The following STPG2 variants were observed in gnomAD, a reference collection of about 807,000 sequenced individuals.
STPG2 encodes sperm tail PG-rich repeat containing 2.
Under a neutral mutation model 54.2 loss-of-function variants are expected in STPG2, and 56 were observed. That is an observed-to-expected ratio of 1.03 (90% CI 0.83 to 1.29). STPG2 has a LOEUF of 1.29. Among genes scored for constraint, STPG2 ranks in the 50% most tolerant of loss-of-function variants. The pLI is 0.00. For synonymous variants in STPG2, 200 were observed against 181.8 expected (o/e 1.10, Z -0.81); for missense variants, 596 against 544.9 (o/e 1.09, Z -0.93).
chr4:97,770,536 T>C (rs897679025), intron 9 of STPG2, among the ~76,000 whole-genome samples: 1 of 152,172 alleles, frequency 6.6e-6, no homozygotes, highest in Non-Finnish European at 1.5e-5. Context: ...TAAACAAGAT[T>C]GCATGCTATT....
intron 5 of STPG2, among the ~76,000 whole-genome samples, chr4:98,042,916 A>C (rs2149308338): frequency 6.6e-6 from 1 of 152,032 alleles, no homozygotes; most frequent in East Asian, 1.9e-4. Context: ...CACTATTATC[A>C]AATTGTAAGA....
At chr4:97,811,415 T>C (rs949708765) in intron 9 of STPG2, among the ~76,000 whole-genome samples, 1 of 152,164 alleles carries the variant, frequency 6.6e-6, no homozygotes, top group Non-Finnish European at 1.5e-5. Context: ...GAAGCAAACA[T>C]TTTTATTTTT....
At chr4:97,686,227 CCTTTTT>C (rs1235362148) in intron 10 of STPG2, among the ~76,000 whole-genome samples, 1 of 150,396 alleles carries the variant, frequency 6.6e-6, no homozygotes, top group Non-Finnish European at 1.5e-5. Flanking sequence ...ATGCTCCTTT[CCTTTTT>C]CTTTTTCTTT....
intron 10 of STPG2, among the ~76,000 whole-genome samples, chr4:97,678,382 T>G (rs557255187): frequency 2.0e-5 from 2 of 98,460 alleles, no homozygotes; most frequent in Admixed American, 2.2e-4. Flanking sequence ...ACTATTCATA[T>G]GTAAGTACAA....
chr4:97,787,029 G>C (rs1051150254), intron 9 of STPG2, among the ~76,000 whole-genome samples: 1 of 152,056 alleles, frequency 6.6e-6, no homozygotes, highest in Non-Finnish European at 1.5e-5. Flanking sequence ...CTGGATTAGA[G>C]GAGACTACTG....
rs1348858798 is a variant in STPG2 at position 98,143,364 on chromosome 4, A to C, written c.-214T>G. 2 of 542,590 alleles carry C rather than the reference A, an allele frequency of 3.7e-6. No homozygotes were observed. The highest frequency in any genetic ancestry group is 6.6e-6 in the Non-Finnish European group (2 of 301,714). The allele number at this position is 542,590 out of a possible 1,614,324, so 33.6% of individuals were successfully genotyped here. A position where few individuals can be genotyped will look rare whatever the true frequency, so the allele number is the denominator to read the frequency against. Reference sequence around the variant, plus strand: ...TCGATTTCTAGCTCTGTGGTAAAGTAGAGGGGTGAGCGACTAGAGATTAGA... The same window carrying C: ...TCGATTTCTAGCTCTGTGGTAAAGTCGAGGGGTGAGCGACTAGAGATTAGA... On this transcript the variant is annotated 5_prime_UTR_variant, in exon 1 of 11. Coordinates refer to ENST00000295268, the MANE Select transcript of STPG2 (RefSeq NM_174952.3).
intron 5 of STPG2, among the ~76,000 whole-genome samples, chr4:97,981,664 C>G (rs1215120866): frequency 2.0e-5 from 3 of 151,416 alleles, no homozygotes; most frequent in Non-Finnish European, 4.4e-5. Context: ...ACTATATGAT[C>G]TAACACGTTA....
chr4:98,078,876 C>T (rs1033878203), intron 5 of STPG2, among the ~76,000 whole-genome samples: 5 of 151,918 alleles, frequency 3.3e-5, no homozygotes, highest in Admixed American at 6.6e-5. Flanking sequence ...AATTTAATAT[C>T]ATATGTTAAA....
At chr4:97,564,262 C>CT (rs1035520575) in intron 10 of STPG2, among the ~76,000 whole-genome samples, 3 of 152,068 alleles carry the variant, frequency 2.0e-5, no homozygotes, top group African/African-American at 7.2e-5. Context: ...CAACCCCTGC[C>CT]TTTTTTTGTT....
intron 4 of STPG2, among the ~76,000 whole-genome samples, chr4:97,508,393 A>C (rs908778991): frequency 5.9e-5 from 9 of 152,142 alleles, no homozygotes; most frequent in Non-Finnish European, 1.2e-4. Flanking sequence ...TACTACAAAA[A>C]TTATTCAAAA....
intron 9 of STPG2, among the ~76,000 whole-genome samples, chr4:97,740,040 G>A (rs1725169134): frequency 2.0e-5 from 3 of 151,982 alleles, no homozygotes; most frequent in Non-Finnish European, 2.9e-5. Context: ...TCATCCCTGG[G>A]ATGCAAGGCT....
At chr4:97,590,907 C>T (rs907822262) in intron 10 of STPG2, among the ~76,000 whole-genome samples, 2 of 151,970 alleles carry the variant, frequency 1.3e-5, no homozygotes, top group African/African-American at 2.4e-5. Flanking sequence ...TCTGGATTGA[C>T]ATTAAAATGC....
chr4:97,515,516 C>A (rs1006572936), intron 4 of STPG2, among the ~76,000 whole-genome samples: 1 of 151,914 alleles, frequency 6.6e-6, no homozygotes, highest in Non-Finnish European at 1.5e-5. Flanking sequence ...AAAAGTCAAC[C>A]ACTGTCTCCA....
At chr4:97,638,284 TAGCCATATGTAGAA>T (rs1382174038) in intron 10 of STPG2, among the ~76,000 whole-genome samples, 1 of 152,140 alleles carries the variant, frequency 6.6e-6, no homozygotes, top group African/African-American at 2.4e-5. Context: ...GAAAACTGGC[TAGCCATATGTAGAA>T]AGCTGAAACT....
intron 4 of STPG2, among the ~76,000 whole-genome samples, chr4:97,442,432 T>TTTAATTAAAG (rs1281777920): frequency 2.6e-5 from 4 of 152,100 alleles, no homozygotes; most frequent in Non-Finnish European, 4.4e-5. Context: ...AAAAATTGTT[T>TTTAATTAAAG]TTAATTAAAG....
rs1194503100 is a variant in STPG2, at chr4:97,559,077, A to G, written c.1361T>C (p.Met454Thr). 6.2e-7 allele frequency: 1 copy of G among 1,604,168 alleles called. No individual in the cohort carries two copies. The highest frequency in any genetic ancestry group is 1.7e-5 in the Admixed American group (1 of 58,040). ...EKKKGNLIGE[M>T]AADIM ...TTTATGTCACATTATATCAGCAGCC[A>G]TTTCACCAATGAGATTTCCTTTCTT... The change falls in exon 11 of 11, where the codon ATG becomes ACG. Residue 454 changes from methionine to threonine, a missense_variant. Physicochemically the swap from Met to Thr is moderately conservative, Grantham distance 81. Coordinates refer to ENST00000295268, the MANE Select transcript of STPG2 (RefSeq NM_174952.3).
chr4:98,002,913 A>T (rs1215927795), intron 5 of STPG2, among the ~76,000 whole-genome samples: 1 of 152,132 alleles, frequency 6.6e-6, no homozygotes, highest in Admixed American at 6.6e-5. Context: ...ATACATTTTT[A>T]AATTAGCATA....
At chr4:97,836,696 C>G (rs564263962) in intron 9 of STPG2, among the ~76,000 whole-genome samples, 2 of 151,526 alleles carry the variant, frequency 1.3e-5, no homozygotes, top group Non-Finnish European at 3.0e-5. Flanking sequence ...TTTAAAAATG[C>G]TTGATTTTCC....
chr4:97,736,793 C>T (rs1725015025), intron 9 of STPG2, among the ~76,000 whole-genome samples: 1 of 152,182 alleles, frequency 6.6e-6, no homozygotes, highest in Non-Finnish European at 1.5e-5. Context: ...CACAAACAAA[C>T]AAAAAGACAG....
Sources: allele counts gnomAD v4.1 joint callset (sites outside exome capture counted in the v4.1 genomes callset), GRCh38; gene constraint gnomAD v4.1.1; transcripts MANE v1.5; gene names NCBI Gene and HGNC (gene_info 2026-07-23, HGNC 2026-07-21).